The following GNPNAT1 variants were observed in gnomAD, a reference collection of about 807,000 sequenced individuals.
GNPNAT1 encodes glucosamine-phosphate N-acetyltransferase 1, also known as glucosamine 6-phosphate N-acetyltransferase.
Under a neutral mutation model 19.8 loss-of-function variants are expected in GNPNAT1, and 11 were observed. That is an observed-to-expected ratio of 0.56 (90% CI 0.35 to 0.92). GNPNAT1 has a LOEUF of 0.92. Among genes scored for constraint, GNPNAT1 ranks in the 40% least tolerant of loss-of-function variants. The pLI, the probability that GNPNAT1 is intolerant of heterozygous loss-of-function variation, is 0.01. For synonymous variants in GNPNAT1, 71 were observed against 72.3 expected, an observed-to-expected ratio of 0.98 and a Z score of 0.09; for missense variants, 157 against 211.0, an observed-to-expected ratio of 0.74 and a Z score of 1.59.
In GNPNAT1 at chr14:52,791,437, C is replaced by T. The variant is rs999569027; in HGVS notation, c.-24G>A. 2.0e-5 allele frequency: 3 copies of T among 152,586 alleles called. No individual in the cohort carries two copies. The highest frequency in any genetic ancestry group is 6.5e-5 in the Admixed American group (1 of 15,292). The allele number at this position is 152,586 out of a possible 1,614,324, so 9.5% of individuals were successfully genotyped here. ...CCCGGTCCCTCCTCACCCGTAGAGG[C>T]CCTGCGGTCGGCGCTCCTAGCCAGG... On this transcript the variant is annotated 5_prime_UTR_variant, in exon 1 of 6. Coordinates refer to ENST00000216410, the MANE Select transcript of GNPNAT1 (RefSeq NM_198066.4). This position sits in a 1 kb window ranked among gnomAD's most constrained non-coding sequence, Gnocchi z 4.1.
chr14:52,782,103 AC>A (rs1332214138), intron 3 of GNPNAT1, among the ~76,000 whole-genome samples, 192 bp from the exon 4 acceptor site: 2 of 152,112 alleles, frequency 1.3e-5, no homozygotes, highest in Non-Finnish European at 2.9e-5. Context: ...TTGGAATATA[AC>A]CTACACATTC....
In GNPNAT1 at chr14:52,783,447, C is replaced by G; in HGVS notation, c.193G>C (p.Val65Leu). 1 of 1,610,660 alleles carries G rather than the reference C, an allele frequency of 6.2e-7. No homozygotes were observed. Among genetic ancestry groups the G allele is most frequent in the South Asian group, 1.1e-5 (1 of 90,906 alleles). Reference sequence around the variant, plus strand: ...CTCATAAATTGTTCAGGGCTGACAACTCCAGTCTCTGTTAGCTGACCCAAT... The same window carrying G: ...CTCATAAATTGTTCAGGGCTGACAAGTCCAGTCTCTGTTAGCTGACCCAAT... ...KVLGQLTETG[V>L]VSPEQFMKSF... Residue 65 changes from valine to leucine, a missense_variant, in exon 3 of 6, where the codon GTT becomes CTT. Physicochemically the swap from Val to Leu is conservative, Grantham distance 32 (BLOSUM62 1). Coordinates refer to ENST00000216410, the MANE Select transcript of GNPNAT1 (RefSeq NM_198066.4).
chr14:52,789,124 C>T (rs1161947244), intron 1 of GNPNAT1, among the ~76,000 whole-genome samples: 1 of 152,192 alleles, frequency 6.6e-6, no homozygotes, highest in Non-Finnish European at 1.5e-5. Context: ...AATGAGGCAA[C>T]AGGGCCAGCT....
rs1011125205 is a variant in GNPNAT1 at position 52,778,101 on chromosome 14, C to T, written c.*210G>A. Reference sequence around the variant, plus strand: ...TATATTCCTTTGGTTAAAAATCATCCCCTTTATAATATTCATTTGTAATCT... The same window carrying T: ...TATATTCCTTTGGTTAAAAATCATCTCCTTTATAATATTCATTTGTAATCT... On this transcript the variant is annotated 3_prime_UTR_variant, in exon 6 of 6. Transcript: ENST00000216410. 3.3e-5 allele frequency: 11 copies of T among 332,524 alleles called. No individual in the cohort carries two copies. Among genetic ancestry groups the T allele is most frequent in the Non-Finnish European group, 5.4e-5 (10 of 184,580 alleles). The allele number at this position is 332,524 out of a possible 1,614,324, so 20.6% of individuals were successfully genotyped here.
chr14:52,779,256 T>C (rs1375878298), intron 5 of GNPNAT1, among the ~76,000 whole-genome samples: 1 of 152,240 alleles, frequency 6.6e-6, no homozygotes, highest in African/African-American at 2.4e-5. Flanking sequence ...CTAATTAATA[T>C]GAAGTGGAAA....
At chr14:52,784,002 T>C (rs971935484) in intron 2 of GNPNAT1, among the ~76,000 whole-genome samples, 2 of 152,150 alleles carry the variant, frequency 1.3e-5, no homozygotes, top group East Asian at 3.8e-4. Flanking sequence ...CTACACTCAA[T>C]AATTAGGCCA....
At chr14:52,781,542 G>C (rs1452378550) in intron 4 of GNPNAT1, among the ~76,000 whole-genome samples, 1 of 151,800 alleles carries the variant, frequency 6.6e-6, no homozygotes, top group Non-Finnish European at 1.5e-5. Context: ...GGGATTTTGT[G>C]CATTACTGCT....
rs1398510537 is a variant in GNPNAT1 at position 52,781,031 on chromosome 14, TATGAG to T, written c.346-296_346-292del. On this transcript the variant is annotated intron_variant, in intron 4 of 5. Coordinates refer to ENST00000216410, the MANE Select transcript of GNPNAT1 (RefSeq NM_198066.4). ...AGCCCAAAAGTTTGTTTCCTACTAG[TATGAG>T]AGTACTACTATTAAAAGTTAATAAT... Among the ~76,000 whole-genome samples, 6 of 152,154 alleles carry T rather than the reference TATGAG, an allele frequency of 3.9e-5. No individual in the cohort carries two copies. In the South Asian group the frequency reaches 6.2e-4, roughly 16 times the overall value.
At chr14:52,784,096 T>C (rs983340185) in intron 2 of GNPNAT1, among the ~76,000 whole-genome samples, 4 of 152,174 alleles carry the variant, frequency 2.6e-5, no homozygotes, top group African/African-American at 9.6e-5. Context: ...TTTAAGGAAG[T>C]TAACTTGGAG....
intron 1 of GNPNAT1, among the ~76,000 whole-genome samples, chr14:52,789,544 G>C (rs1366053281): frequency 6.6e-6 from 1 of 152,110 alleles, no homozygotes; most frequent in African/African-American, 2.4e-5. Context: ...GAGCCATACT[G>C]AAGGCCCACT....
intron 1 of GNPNAT1, among the ~76,000 whole-genome samples, chr14:52,789,099 AGAGT>A (rs1169814758): frequency 7.2e-5 from 11 of 152,228 alleles, no homozygotes; most frequent in Admixed American, 7.2e-4. Flanking sequence ...CAATAAGAAC[AGAGT>A]GAGGATTCAA....
At chr14:52,788,098 T>C (rs751916399) in intron 1 of GNPNAT1, among the ~76,000 whole-genome samples, 1 of 152,114 alleles carries the variant, frequency 6.6e-6, no homozygotes, top group Non-Finnish European at 1.5e-5. Flanking sequence ...ACAAGTTTAA[T>C]AGCCATTCAA....
chr14:52,786,805 T>C (rs1041256185), intron 1 of GNPNAT1, among the ~76,000 whole-genome samples: 2 of 150,106 alleles, frequency 1.3e-5, no homozygotes, highest in Non-Finnish European at 3.0e-5. Context: ...CAATTAAAAG[T>C]TGAGTATTCC....
intron 1 of GNPNAT1, among the ~76,000 whole-genome samples, chr14:52,785,111 A>G (rs560758537): frequency 5.5e-4 from 84 of 152,010 alleles, no homozygotes; most frequent in African/African-American, 1.9e-3. Context: ...TATTTTTAAT[A>G]GAGACGGGAT....
intron 1 of GNPNAT1, among the ~76,000 whole-genome samples, chr14:52,785,872 T>C (rs1326570568): frequency 6.7e-6 from 1 of 150,348 alleles, no homozygotes; most frequent in African/African-American, 2.4e-5. Flanking sequence ...CTCAGCCTTC[T>C]GAGTAGCTGG....
intron 5 of GNPNAT1, among the ~76,000 whole-genome samples, chr14:52,779,829 T>A (rs1882846321): frequency 6.6e-6 from 1 of 151,550 alleles, no homozygotes; most frequent in African/African-American, 2.4e-5. Context: ...GAATAGCATC[T>A]GGTACATAAG....
intron 5 of GNPNAT1, among the ~76,000 whole-genome samples, chr14:52,779,724 TAAAAAAA>T (rs35906707): frequency 3.4e-4 from 13 of 38,214 alleles, no homozygotes; most frequent in African/African-American, 1.1e-3. Context: ...TCCCATCTCT[TAAAAAAA>T]AAAAAAAAAA....
Position 52,780,723 on chromosome 14 carries a change from ATCT to A in GNPNAT1, c.360_362del (p.Glu120del). On this transcript the variant is annotated inframe_deletion, in exon 5 of 6. Coordinates refer to ENST00000216410, the MANE Select transcript of GNPNAT1 (RefSeq NM_198066.4). ...CTCTGCATTCATCACTAACAACAAC[ATCT>A]TCTACTCTTCCTCTCTGAAAATATT... 4 of 1,601,734 alleles carry A rather than the reference ATCT, an allele frequency of 2.5e-6. No individual in the cohort carries two copies. Among genetic ancestry groups the A allele is most frequent in the Non-Finnish European group, 3.4e-6 (4 of 1,169,748 alleles).
intron 1 of GNPNAT1, among the ~76,000 whole-genome samples, chr14:52,789,079 G>C (rs1883089924): frequency 6.6e-6 from 1 of 152,176 alleles, no homozygotes; most frequent in Admixed American, 6.5e-5. Flanking sequence ...CTTGCTCAAG[G>C]TTAGAGTGCC....
Sources: allele counts gnomAD v4.1 joint callset (sites outside exome capture counted in the v4.1 genomes callset), GRCh38; gene constraint gnomAD v4.1.1; non-coding constraint Gnocchi (gnomAD v3.1); transcripts MANE v1.5; gene names NCBI Gene and HGNC (gene_info 2026-07-23, HGNC 2026-07-21).